The following RBFOX1 variants were observed in gnomAD, a reference collection of about 807,000 sequenced individuals.
RBFOX1 encodes the protein RNA binding protein fox-1 homolog 1.
RBFOX1 carries 8 observed loss-of-function variants against 57.7 expected under a neutral mutation model. That is an observed-to-expected ratio of 0.14 (90% CI 0.08 to 0.25). RBFOX1 has a LOEUF of 0.25. Ranked by LOEUF, RBFOX1 falls within the 10% of genes least tolerant of loss-of-function variation. The pLI is 1.00. For missense variants in RBFOX1, 611 were observed against 548.5 expected, an observed-to-expected ratio of 1.11 and a Z score of -1.14; for synonymous variants, 326 against 222.4, an observed-to-expected ratio of 1.47 and a Z score of -4.15.
At chr16:6,179,878 A>G (rs952688762) in intron 1 of RBFOX1, among the ~76,000 whole-genome samples, 2 of 152,188 alleles carry the variant, frequency 1.3e-5, no homozygotes, top group African/African-American at 4.8e-5. Flanking sequence ...GATGCCCTTT[A>G]TAAAGTTAAG....
At chr16:6,320,001 C>G (rs919495223) in intron 2 of RBFOX1, among the ~76,000 whole-genome samples, 1 of 151,544 alleles carries the variant, frequency 6.6e-6, no homozygotes, top group Non-Finnish European at 1.5e-5. Flanking sequence ...TTTTTTTCAC[C>G]AAGTCTTAAT....
intron 4 of RBFOX1, among the ~76,000 whole-genome samples, chr16:7,477,096 T>C (rs2062881795): frequency 6.6e-6 from 1 of 152,192 alleles, no homozygotes; most frequent in Non-Finnish European, 1.5e-5. Flanking sequence ...CCCACATCTC[T>C]GTCCTTTTTT....
At chr16:7,188,035 C>A (rs2084363925) in intron 4 of RBFOX1, among the ~76,000 whole-genome samples, 3 of 152,142 alleles carry the variant, frequency 2.0e-5, no homozygotes, top group Non-Finnish European at 4.4e-5. Context: ...AGATTATAGG[C>A]CATTTTTATT....
At chr16:7,333,117 C>G (rs1339076483) in intron 4 of RBFOX1, 2 of 1,594,440 alleles carry the variant, frequency 1.3e-6, no homozygotes, top group Non-Finnish European at 1.7e-6. Flanking sequence ...CAGCCAGCAA[C>G]TTAACTCCAG....
At chr16:6,718,376 C>T (rs566765239) in intron 3 of RBFOX1, among the ~76,000 whole-genome samples, 1 of 152,228 alleles carries the variant, frequency 6.6e-6, no homozygotes, top group East Asian at 1.9e-4. Context: ...AAGGAAGTAA[C>T]TCTAGCTGAA....
intron 4 of RBFOX1, among the ~76,000 whole-genome samples, chr16:5,931,343 C>A (rs1013185683): frequency 6.6e-6 from 1 of 152,062 alleles, no homozygotes; most frequent in African/African-American, 2.4e-5. Context: ...GGAAAGGGGA[C>A]TGAATTAACA....
intron 4 of RBFOX1, among the ~76,000 whole-genome samples, chr16:5,897,124 T>C (rs1451756349): frequency 2.7e-5 from 4 of 146,350 alleles, no homozygotes; most frequent in Non-Finnish European, 6.0e-5. Flanking sequence ...CAAGCTCCGC[T>C]TCCCGGGTTC....
chr16:6,399,292 C>G (rs1846931960), intron 2 of RBFOX1, among the ~76,000 whole-genome samples: 1 of 152,230 alleles, frequency 6.6e-6, no homozygotes, highest in Admixed American at 6.5e-5. Context: ...AGGTGTCTAA[C>G]ATGCCCTGGA....
chr16:5,688,651 G>C (rs2050575781), intron 3 of RBFOX1, among the ~76,000 whole-genome samples: 1 of 152,180 alleles, frequency 6.6e-6, no homozygotes, highest in South Asian at 2.1e-4. Flanking sequence ...TTACATTAAA[G>C]AGAAATTCAT....
intron 1 of RBFOX1, among the ~76,000 whole-genome samples, chr16:5,288,102 T>C (rs1429072946): frequency 6.6e-6 from 1 of 152,194 alleles, no homozygotes; most frequent in Non-Finnish European, 1.5e-5. Context: ...ATGGCTGACT[T>C]GCTTTGTCCT....
chr16:5,396,670 G>A (rs1025592649), intron 1 of RBFOX1, among the ~76,000 whole-genome samples: 2 of 151,828 alleles, frequency 1.3e-5, no homozygotes, highest in Middle Eastern at 3.4e-3. Context: ...GAAAGAAGGA[G>A]GAAAGATCAA....
chr16:6,100,289 A>T (rs1395360721), intron 1 of RBFOX1, among the ~76,000 whole-genome samples: 1 of 151,822 alleles, frequency 6.6e-6, no homozygotes, highest in Non-Finnish European at 1.5e-5. Flanking sequence ...CAGCCTCCCG[A>T]GGAGCTGGGA....
At chr16:6,591,385 C>T (rs537590464) in intron 2 of RBFOX1, among the ~76,000 whole-genome samples, 4 of 152,016 alleles carry the variant, frequency 2.6e-5, no homozygotes, top group South Asian at 4.2e-4. Context: ...ACTTGGGAGG[C>T]GGAGATTGCA....
intron 2 of RBFOX1, among the ~76,000 whole-genome samples, chr16:6,514,068 G>A (rs142125397): frequency 5.3e-4 from 80 of 152,300 alleles, no homozygotes; most frequent in African/African-American, 1.8e-3. Context: ...CTGTAAGTCC[G>A]TAGCCATTGG....
intron 3 of RBFOX1, among the ~76,000 whole-genome samples, chr16:6,863,386 A>C (rs1050330773): frequency 6.6e-6 from 1 of 152,134 alleles, no homozygotes; most frequent in African/African-American, 2.4e-5. Flanking sequence ...ATGTATGGCT[A>C]AAGATTCAAA....
intron 4 of RBFOX1, among the ~76,000 whole-genome samples, chr16:5,898,496 T>A (rs2058221725): frequency 6.7e-6 from 1 of 150,078 alleles, no homozygotes; most frequent in African/African-American, 2.4e-5. Flanking sequence ...GGAGGAGTAA[T>A]GATGATAATA....
intron 4 of RBFOX1, among the ~76,000 whole-genome samples, chr16:7,104,872 G>T (rs1350200084): frequency 1.3e-5 from 2 of 152,082 alleles, no homozygotes; most frequent in Non-Finnish European, 2.9e-5. Context: ...AAACAGAAAA[G>T]TCCAAGAGAT....
chr16:6,201,035 A>G (rs2097211771), intron 1 of RBFOX1, among the ~76,000 whole-genome samples: 1 of 151,878 alleles, frequency 6.6e-6, no homozygotes, highest in African/African-American at 2.4e-5. Context: ...TAGCTCCCAC[A>G]TATGAGTGAG....
intron 1 of RBFOX1, among the ~76,000 whole-genome samples, chr16:5,348,672 C>T (rs1030522037): frequency 2.6e-5 from 4 of 152,264 alleles, no homozygotes; most frequent in African/African-American, 9.6e-5. Flanking sequence ...AGTAGGCTCT[C>T]AATTTATGTG....
Sources: allele counts gnomAD v4.1 joint callset (sites outside exome capture counted in the v4.1 genomes callset), GRCh38; gene constraint gnomAD v4.1.1; transcripts MANE v1.5; gene names NCBI Gene and HGNC (gene_info 2026-07-23, HGNC 2026-07-21).